BCAR3: variants seen among roughly 807,000 people sequenced by gnomAD.
The protein encoded by BCAR3 is breast cancer anti-estrogen resistance protein 3.
A neutral mutation model predicts 80.1 loss-of-function variants in BCAR3; 37 were observed. The observed-to-expected ratio is 0.46, with a 90% confidence interval of 0.36 to 0.61. The LOEUF (loss-of-function observed/expected upper bound fraction) is 0.61, where lower values mean the gene tolerates loss of function less well. Among genes scored for constraint, BCAR3 ranks in the 20% least tolerant of loss-of-function variants. The probability of loss-of-function intolerance (pLI) is 0.00; values close to 1 mark genes in which losing one functional copy is unlikely to be tolerated. For synonymous variants in BCAR3, 389 were observed against 418.9 expected, an observed-to-expected ratio of 0.93 and a Z score of 0.87; for missense variants, 978 against 1,068.2, an observed-to-expected ratio of 0.92 and a Z score of 1.18.
chr1:93,664,521 G>C (rs1452673166), intron 2 of BCAR3, among the ~76,000 whole-genome samples: 1 of 152,112 alleles, frequency 6.6e-6, no homozygotes, highest in African/African-American at 2.4e-5. Flanking sequence ...TCCTTTTTCA[G>C]GCAGTTTCCC....
At position 93,582,847 on chromosome 1, in the gene BCAR3, C is replaced by T. The variant is rs747720867; in HGVS notation, c.1140G>A (p.Arg380=). 6.2e-7 allele frequency: 1 copy of T among 1,613,312 alleles called. No individual in the cohort carries two copies. Among genetic ancestry groups the T allele is most frequent in the Admixed American group, 1.7e-5 (1 of 59,994 alleles). ...CAGCCCTGGCGTCTGAGGAGACCCTCCGAACCACTGCTGGGCTCAGGGCAG... is the reference window on the plus strand; with the variant it reads ...CAGCCCTGGCGTCTGAGGAGACCCTTCGAACCACTGCTGGGCTCAGGGCAG... The part of the protein sequence containing the change: ...SEPALSPAVV[R]RVSSDARAGE... The change falls in exon 7 of 12, where the codon CGG becomes CGA. Residue 380 remains arginine, a synonymous_variant. Coordinates refer to ENST00000260502, the MANE Select transcript of BCAR3 (RefSeq NM_003567.4).
intron 2 of BCAR3, among the ~76,000 whole-genome samples, chr1:93,769,706 A>T (rs1484014398): frequency 6.6e-6 from 1 of 152,170 alleles, no homozygotes; most frequent in Non-Finnish European, 1.5e-5. Context: ...GGCCAAATCA[A>T]CACCAAGCAT....
intron 2 of BCAR3, among the ~76,000 whole-genome samples, chr1:93,818,598 T>A (rs982808343): frequency 6.6e-6 from 1 of 152,152 alleles, no homozygotes; most frequent in African/African-American, 2.4e-5. Context: ...AAATGGGAGG[T>A]AACAGTACTT....
intron 2 of BCAR3, among the ~76,000 whole-genome samples, chr1:93,643,539 CTT>C (rs1241183772): frequency 2.6e-3 from 132 of 50,620 alleles, no homozygotes; most frequent in African/African-American, 9.8e-3. Flanking sequence ...GAACAAGACT[CTT>C]TCTCAAAAAA....
At chr1:93,745,724 C>T (rs1263225490) in intron 2 of BCAR3, among the ~76,000 whole-genome samples, 1 of 152,154 alleles carries the variant, frequency 6.6e-6, no homozygotes, top group Admixed American at 6.5e-5. Context: ...CATTAGTTCC[C>T]CATCTGAAAA....
At position 93,584,032 on chromosome 1, in the gene BCAR3, C is replaced by T. The variant is rs777014697; in HGVS notation, c.1019G>A (p.Ser340Asn). The T allele has an allele frequency of 3.7e-6, 6 of 1,614,044 alleles. No homozygotes were observed. In the East Asian group the frequency reaches 1.1e-4, roughly 30 times the overall value. Residue 340 changes from serine (S) to asparagine (N), a missense_variant, in exon 6 of 12, where the codon AGC becomes AAC. Transcript: ENST00000260502. ...ALSLKAHQSESYLPIGCKLPP... is the reference protein window; with the variant it reads ...ALSLKAHQSENYLPIGCKLPP... Reference sequence around the variant, plus strand: ...CCGAAACATACCAATCGGCAGGTAGCTCTCTGACTGGTGGGCTTTGAGGGA... The same window carrying T: ...CCGAAACATACCAATCGGCAGGTAGTTCTCTGACTGGTGGGCTTTGAGGGA...
At chr1:93,625,840 A>AT (rs1675441520) in intron 3 of BCAR3, among the ~76,000 whole-genome samples, 10 of 152,330 alleles carry the variant, frequency 6.6e-5, no homozygotes, top group Admixed American at 3.3e-4. Context: ...AGAAGGAGCC[A>AT]AGGCTGCAGC....
intron 3 of BCAR3, chr1:93,614,201 C>T: frequency 8.2e-7 from 1 of 1,217,478 alleles, no homozygotes; most frequent in Non-Finnish European, 1.0e-6. Context: ...CTCATGTGAC[C>T]AGACTTGCTT....
intron 11 of BCAR3, 63 bp downstream of exon 11, chr1:93,567,216 T>G: frequency 1.9e-6 from 3 of 1,571,970 alleles, no homozygotes; most frequent in Non-Finnish European, 2.6e-6. Flanking sequence ...GCCATGCTCT[T>G]CCATTCCTTC....
At chr1:93,843,383 G>C (rs1351135286) in intron 2 of BCAR3, among the ~76,000 whole-genome samples, 1 of 152,126 alleles carries the variant, frequency 6.6e-6, no homozygotes, top group Non-Finnish European at 1.5e-5. Context: ...TAATATAATA[G>C]CAAATATTTG....
intron 2 of BCAR3, among the ~76,000 whole-genome samples, chr1:93,743,653 G>C (rs1314610018): frequency 6.6e-6 from 1 of 152,192 alleles, no homozygotes; most frequent in Non-Finnish European, 1.5e-5. Flanking sequence ...GGTTAACTCT[G>C]TTTGAAAAAT....
At position 93,731,646 on chromosome 1, in the gene BCAR3, G is replaced by GTAAAATAAAATAAAA. The variant is rs3068528; in HGVS notation, c.-62-25519_-62-25505dup. 2.2e-3 allele frequency among the ~76,000 whole-genome samples: 330 copies of GTAAAATAAAATAAAA among 147,358 alleles called. 2 individuals are homozygous for GTAAAATAAAATAAAA. The highest frequency in any genetic ancestry group is 7.7e-3 in the African/African-American group (308 of 39,860). ...ATATAAATAAATAGTAGATGTTAAA[G>GTAAAATAAAATAAAA]TAAAATAAAATAAAATAAAATAAAA... On this transcript the variant is annotated intron_variant, in intron 2 of 13. Transcript: ENST00000370244.
chr1:93,671,435 C>T (rs899420436), intron 2 of BCAR3, among the ~76,000 whole-genome samples: 1 of 152,200 alleles, frequency 6.6e-6, no homozygotes, highest in Non-Finnish European at 1.5e-5. Flanking sequence ...CAGGAGACAT[C>T]CAAGGCGGCC....
intron 3 of BCAR3, among the ~76,000 whole-genome samples, chr1:93,619,100 ATTTTTT>A (rs34715455): frequency 7.9e-6 from 1 of 126,724 alleles, no homozygotes; most frequent in Non-Finnish European, 1.7e-5. Flanking sequence ...CACCACGCCA[ATTTTTT>A]TTTTTTTTTT....
chr1:93,634,717 C>CAA (rs369471301), intron 3 of BCAR3, among the ~76,000 whole-genome samples: 13 of 128,994 alleles, frequency 1.0e-4, no homozygotes, highest in East Asian at 4.3e-4. Flanking sequence ...ACAACAACAA[C>CAA]AACAAAAAAA....
chr1:93,581,557 T>A (rs1158382709), intron 7 of BCAR3, among the ~76,000 whole-genome samples: 1 of 152,056 alleles, frequency 6.6e-6, no homozygotes, highest in Non-Finnish European at 1.5e-5. Context: ...ATTACAGGCG[T>A]GTACCATCAA....
chr1:93,649,103 A>C (rs1252694993), intron 2 of BCAR3, among the ~76,000 whole-genome samples: 1 of 152,234 alleles, frequency 6.6e-6, no homozygotes, highest in Non-Finnish European at 1.5e-5. Context: ...GAACAAGGAG[A>C]GCCAACTGCT....
chr1:93,586,402 A>C lies in BCAR3; in HGVS notation c.930-2281T>G, dbSNP rs1017405546. 3.9e-5 allele frequency among the ~76,000 whole-genome samples: 6 copies of C among 152,220 alleles called. No individual in the cohort carries two copies. Among genetic ancestry groups the C allele is most frequent in the Non-Finnish European group, 8.8e-5 (6 of 68,038 alleles). On this transcript the variant is annotated intron_variant, in intron 5 of 11. Coordinates refer to ENST00000260502, the MANE Select transcript of BCAR3 (RefSeq NM_003567.4). This position sits in a 1 kb window ranked among gnomAD's most constrained non-coding sequence, Gnocchi z 4.2. ...CAGGATCTCATTGTTTTTATGGCTG[A>C]ATAGTACTCCACTGTGTATATACAC...
Position 93,589,228 on chromosome 1 carries a change from G to T in BCAR3, c.678C>A (p.Ser226=). The change falls in exon 5 of 12, where the codon TCC becomes TCA. Residue 226 remains serine (S), a synonymous_variant. Transcript: ENST00000260502. ...QYQFEMESFD[S]IPGLVRCYVG... Reference sequence around the variant, plus strand: ...CGTAGCAGCGCACCAGGCCGGGGATGGAGTCGAAGCTCTCCATCTCGAACT... The same window carrying T: ...CGTAGCAGCGCACCAGGCCGGGGATTGAGTCGAAGCTCTCCATCTCGAACT... 1 of 1,614,062 alleles carries T rather than the reference G, an allele frequency of 6.2e-7. No individual in the cohort carries two copies. The highest frequency in any genetic ancestry group is 8.5e-7 in the Non-Finnish European group (1 of 1,180,012).
Sources: gnomAD v4.1 joint callset for allele counts (sites outside exome capture counted in the v4.1 genomes callset) on GRCh38, gnomAD v4.1.1 for gene constraint, Gnocchi (gnomAD v3.1) non-coding constraint, MANE v1.5 for transcripts, NCBI Gene and HGNC (gene_info 2026-07-23, HGNC 2026-07-21) for gene names.